IL1RAPL1: variants seen among roughly 807,000 people sequenced by gnomAD.
The protein encoded by IL1RAPL1 is interleukin-1 receptor accessory protein-like 1.
IL1RAPL1 carries 3 observed loss-of-function variants against 48.4 expected under a neutral mutation model. That is an observed-to-expected ratio of 0.06 (90% CI 0.03 to 0.16). The LOEUF is 0.16. Ranked by LOEUF, IL1RAPL1 falls within the 10% of genes least tolerant of loss-of-function variation. The probability of loss-of-function intolerance (pLI) is 1.00; values close to 1 mark genes in which losing one functional copy is unlikely to be tolerated. For synonymous variants in IL1RAPL1, 185 were observed against 187.7 expected, an observed-to-expected ratio of 0.99 and a Z score of 0.12; for missense variants, 349 against 530.6, an observed-to-expected ratio of 0.66 and a Z score of 3.36.
At chrX:28,749,829 A>G (rs371034670) in intron 1 of IL1RAPL1, among the ~76,000 whole-genome samples, 3 of 110,256 alleles carry the variant, frequency 2.7e-5, no homozygotes, top group Non-Finnish European at 5.7e-5. Context: ...GCTCAGCCCA[A>G]TGTTGTGAAT....
At position 29,263,860 on chromosome X, in the gene IL1RAPL1, T is replaced by TC. The variant is rs34183350; in HGVS notation, c.83-19067dup. On this transcript the variant is annotated intron_variant, in intron 2 of 10. Coordinates refer to ENST00000378993, the MANE Select transcript of IL1RAPL1 (RefSeq NM_014271.4). ...CTCTCTCTCTCTTTCTCTCTCTCTCTCCCCCCCCCCCGCTCTCATAGAGCA... is the reference window on the plus strand; with the variant it reads ...CTCTCTCTCTCTTTCTCTCTCTCTCTCCCCCCCCCCCCGCTCTCATAGAGCA... Among the ~76,000 whole-genome samples the TC allele has an allele frequency of 5.1e-3, 415 of 81,000 alleles. 7 individuals are homozygous for TC. The highest frequency in any genetic ancestry group is 0.013 in the African/African-American group (287 of 21,456). 70.3% of individuals were successfully genotyped at this position (81,000 alleles called of 115,157 possible).
intron 2 of IL1RAPL1, among the ~76,000 whole-genome samples, chrX:28,872,061 G>A (rs1301426167): frequency 1.8e-5 from 2 of 111,972 alleles, no homozygotes; most frequent in Non-Finnish European, 1.9e-5. Context: ...AGGCTGGAGT[G>A]TAGTGGCATG....
chrX:29,735,842 A>G (rs368578299), intron 6 of IL1RAPL1, among the ~76,000 whole-genome samples: 2 of 112,493 alleles, frequency 1.8e-5, no homozygotes, highest in Non-Finnish European at 3.8e-5. Flanking sequence ...CATCATTTAC[A>G]TATTTCCCCC....
rs147255984 is a variant in IL1RAPL1 at position 28,902,274 on chromosome X, C to T, written c.82+112849C>T. Among the ~76,000 whole-genome samples the T allele has an allele frequency of 6.0e-3, 661 of 110,871 alleles. 7 individuals are homozygous for T. The highest frequency in any genetic ancestry group is 0.021 in the African/African-American group (626 of 30,460). ...GCAACCTCCACCTCCCTGGCTCAAG[C>T]CATCTTCCTACCTCAGCCTCCCAAG... On this transcript the variant is annotated intron_variant, in intron 2 of 10. Coordinates refer to ENST00000378993, the MANE Select transcript of IL1RAPL1 (RefSeq NM_014271.4).
intron 5 of IL1RAPL1, among the ~76,000 whole-genome samples, chrX:29,462,311 C>T (rs16988560): frequency 0.015 from 1,616 of 111,285 alleles, 35 homozygotes; most frequent in African/African-American, 0.049. Context: ...CCGCTTGTCA[C>T]CAGCATTCTC....
intron 5 of IL1RAPL1, among the ~76,000 whole-genome samples, chrX:29,618,505 C>T (rs1238243808): frequency 9.0e-6 from 1 of 111,491 alleles, no homozygotes; most frequent in Non-Finnish European, 1.9e-5. Context: ...GGCTGTGCTC[C>T]CTCCGGAGGA....
chrX:28,955,712 G>A (rs1186841264), intron 2 of IL1RAPL1, among the ~76,000 whole-genome samples: 5 of 107,207 alleles, frequency 4.7e-5, no homozygotes, highest in South Asian at 4.1e-4. Flanking sequence ...GTCAGGTAGT[G>A]TGATGCCTCC....
At chrX:29,859,732 A>C (rs1472053562) in intron 6 of IL1RAPL1, among the ~76,000 whole-genome samples, 1 of 112,216 alleles carries the variant, frequency 8.9e-6, no homozygotes, top group Non-Finnish European at 1.9e-5. Context: ...AAATGAGTTC[A>C]ATTGTCGTTG....
At chrX:29,343,150 A>G (rs1303203281) in intron 3 of IL1RAPL1, among the ~76,000 whole-genome samples, 1 of 112,534 alleles carries the variant, frequency 8.9e-6, no homozygotes, top group African/African-American at 3.2e-5. Context: ...TAAAATGAAA[A>G]CAGCTTTAAC....
intron 6 of IL1RAPL1, among the ~76,000 whole-genome samples, chrX:29,865,395 A>G (rs1931667975): frequency 8.9e-6 from 1 of 111,795 alleles, no homozygotes; most frequent in East Asian, 2.8e-4. Flanking sequence ...TAGAATAGGC[A>G]AAAACACTTT....
chrX:29,240,660 T>G lies in IL1RAPL1; in HGVS notation c.83-42278T>G, dbSNP rs1291570232. 4.5e-5 allele frequency among the ~76,000 whole-genome samples: 5 copies of G among 111,999 alleles called. No homozygotes were observed. In the East Asian group the frequency reaches 1.4e-3, roughly 31 times the overall value. ...GTAAAATGAAAGGAAATCAACCTGATTATATACTGTGTACTTTGAATCCAT... is the reference window on the plus strand; with the variant it reads ...GTAAAATGAAAGGAAATCAACCTGAGTATATACTGTGTACTTTGAATCCAT... On this transcript the variant is annotated intron_variant, in intron 2 of 10. Coordinates refer to ENST00000378993, the MANE Select transcript of IL1RAPL1 (RefSeq NM_014271.4).
chrX:29,224,649 T>A (rs1385746869), intron 2 of IL1RAPL1, among the ~76,000 whole-genome samples: 1 of 112,119 alleles, frequency 8.9e-6, no homozygotes, highest in Non-Finnish European at 1.9e-5. Context: ...TATAGTTGTA[T>A]CATGTTTACT....
intron 2 of IL1RAPL1, among the ~76,000 whole-genome samples, chrX:29,144,553 A>AGATC (rs1358367951): frequency 1.1e-5 from 1 of 95,159 alleles, no homozygotes; most frequent in Non-Finnish European, 2.1e-5. Flanking sequence ...CAGTGAGCCG[A>AGATC]GATCACACCA....
intron 1 of IL1RAPL1, among the ~76,000 whole-genome samples, chrX:28,760,549 A>C (rs1347947007): frequency 8.9e-6 from 1 of 111,998 alleles, no homozygotes; most frequent in Non-Finnish European, 1.9e-5. Flanking sequence ...TGGGTCTCAA[A>C]AGCAGTAATA....
chrX:29,183,335 C>T (rs946829016), intron 2 of IL1RAPL1, among the ~76,000 whole-genome samples: 1 of 111,805 alleles, frequency 8.9e-6, no homozygotes, highest in African/African-American at 3.3e-5. Context: ...TAGAATTTTC[C>T]CATTCTTCAA....
chrX:29,319,661 CAATA>C (rs966113169), intron 3 of IL1RAPL1, among the ~76,000 whole-genome samples: 4 of 107,363 alleles, frequency 3.7e-5, no homozygotes, highest in African/African-American at 1.4e-4. Flanking sequence ...TTCTTATTAA[CAATA>C]AATAAAGTAG....
intron 5 of IL1RAPL1, among the ~76,000 whole-genome samples, chrX:29,511,462 A>G (rs1421584557): frequency 9.0e-6 from 1 of 111,665 alleles, no homozygotes; most frequent in Non-Finnish European, 1.9e-5. Flanking sequence ...CCAATTTTCC[A>G]TAGCTTCATA....
chrX:29,840,182 C>G (rs181952368), intron 6 of IL1RAPL1, among the ~76,000 whole-genome samples: 5 of 111,476 alleles, frequency 4.5e-5, no homozygotes, highest in African/African-American at 1.6e-4. Context: ...ATCAGAAAAG[C>G]CCGTAAATTG....
chrX:29,303,257 T>C (rs1328295126), intron 3 of IL1RAPL1, among the ~76,000 whole-genome samples: 1 of 111,706 alleles, frequency 9.0e-6, no homozygotes, highest in African/African-American at 3.3e-5. Context: ...ACTTAGGCCA[T>C]GATAGTGGTA....
Sources: gnomAD v4.1 joint callset for allele counts (sites outside exome capture counted in the v4.1 genomes callset) on GRCh38, gnomAD v4.1.1 for gene constraint, MANE v1.5 for transcripts, NCBI Gene and HGNC (gene_info 2026-07-23, HGNC 2026-07-21) for gene names.